Variants in PCDHA12 observed in about 807,000 individuals in gnomAD.
PCDHA12 encodes the protein protocadherin alpha-12.
Under a neutral mutation model 60.0 loss-of-function variants are expected in PCDHA12, and 44 were observed. That is an observed-to-expected ratio of 0.73 (90% CI 0.58 to 0.94). The LOEUF is 0.94. PCDHA12 is among the 40% of genes least tolerant of loss of function. The probability of loss-of-function intolerance (pLI) is 0.00; values close to 1 mark genes in which losing one functional copy is unlikely to be tolerated. For synonymous variants in PCDHA12, 569 were observed against 553.0 expected (o/e 1.03, Z -0.40); for missense variants, 1,276 against 1,239.7 (o/e 1.03, Z -0.44).
rs10569930 is a variant in PCDHA12, at chr5:140,925,641, TATAATAATAATA to T, written c.2367+47828_2367+47839del. On this transcript the variant is annotated intron_variant, in intron 1 of 3. Coordinates refer to ENST00000398631, the MANE Select transcript of PCDHA12 (RefSeq NM_018903.4). ...TGCACATGTACCCTAGAACTTAAAG[TATAATAATAATA>T]ATAATAATAATAATAATAATAATAA... Among the ~76,000 whole-genome samples the T allele has an allele frequency of 2.0e-4, 29 of 143,352 alleles. 1 individual carries two copies. Among genetic ancestry groups the T allele is most frequent in the Admixed American group, 7.0e-4 (10 of 14,330 alleles). 94.0% of individuals were successfully genotyped at this position (143,352 alleles called of 152,430 possible). A position where few individuals can be genotyped will look rare whatever the true frequency, so the allele number is the denominator to read the frequency against.
intron 3 of PCDHA12, among the ~76,000 whole-genome samples, chr5:140,999,721 G>T (rs2097872214): frequency 6.6e-6 from 1 of 152,150 alleles, no homozygotes; most frequent in South Asian, 2.1e-4. Flanking sequence ...ACGGAGACCA[G>T]CCATTCCAAT....
At chr5:140,958,397 A>T (rs1306610051) in intron 1 of PCDHA12, among the ~76,000 whole-genome samples, 3 of 152,172 alleles carry the variant, frequency 2.0e-5, no homozygotes, top group African/African-American at 7.2e-5. Flanking sequence ...GTCATCAAAC[A>T]TTATCACTGA....
At chr5:140,927,616 G>C in intron 1 of PCDHA12, 1 of 1,614,164 alleles carries the variant, frequency 6.2e-7, no homozygotes, top group Non-Finnish European at 8.5e-7. Flanking sequence ...CCGCACCAAG[G>C]TTCCAGAGAC....
chr5:140,990,232 C>T (rs983376308), intron 3 of PCDHA12, among the ~76,000 whole-genome samples: 4 of 152,054 alleles, frequency 2.6e-5, no homozygotes, highest in Non-Finnish European at 4.4e-5. Flanking sequence ...TTGTAACTAG[C>T]GTTGTATTCC....
At chr5:140,927,956 C>G in intron 1 of PCDHA12, 1 of 1,614,224 alleles carries the variant, frequency 6.2e-7, no homozygotes. Flanking sequence ...GACGCTGCCC[C>G]TGGCACAGTG....
At chr5:140,938,930 A>T (rs2092272913) in intron 1 of PCDHA12, among the ~76,000 whole-genome samples, 1 of 152,066 alleles carries the variant, frequency 6.6e-6, no homozygotes, top group African/African-American at 2.4e-5. Flanking sequence ...ATTGGCTTTT[A>T]ACTTTCCATT....
chr5:140,978,829 T>C, intron 1 of PCDHA12, 120 bp from the exon 2 acceptor site: 1 of 1,533,852 alleles, frequency 6.5e-7, no homozygotes, highest in Non-Finnish European at 8.8e-7. Flanking sequence ...ATGAAATGGC[T>C]CATTCAATAC....
Position 140,877,822 on chromosome 5 carries a change from TTAAA to T in PCDHA12, c.2352_2355del (p.Leu784PhefsTer19). The T allele has an allele frequency of 6.2e-7, 1 of 1,603,218 alleles. No individual in the cohort carries two copies. The highest frequency in any genetic ancestry group is 2.2e-5 in the East Asian group (1 of 44,810). ...CCTTCAGCTGTCTCGAGAAGATTGTTTAAATCCTCCCAGTGAAGTAAGTTATTAA... is the reference window on the plus strand; with the variant it reads ...CCTTCAGCTGTCTCGAGAAGATTGTTTCCTCCCAGTGAAGTAAGTTATTAA... On this transcript the variant is annotated frameshift_variant, in exon 1 of 4. Transcript: ENST00000398631. LOFTEE classifies it high-confidence loss of function.
At chr5:140,934,771 A>G (rs1319115042) in intron 1 of PCDHA12, among the ~76,000 whole-genome samples, 2 of 152,184 alleles carry the variant, frequency 1.3e-5, no homozygotes, top group Non-Finnish European at 2.9e-5. Context: ...CATATTTGAT[A>G]TGGCCCAATC....
rs782753877 is a variant in PCDHA12 at position 140,876,837 on chromosome 5, C to G, written c.1365C>G (p.Phe455Leu). The change falls in exon 1 of 4, where the codon TTC (phenylalanine) becomes TTG (leucine). Residue 455 changes from phenylalanine to leucine, a missense_variant. Transcript: ENST00000398631. ...ACGTGAACGACAATGCGCCTGCGTTCGCGCAGCCCGAGTACACAGTGTTCG... is the reference window on the plus strand; with the variant it reads ...ACGTGAACGACAATGCGCCTGCGTTGGCGCAGCCCGAGTACACAGTGTTCG... ...VADVNDNAPA[F>L]AQPEYTVFVK... is the part of the protein sequence containing the mutation. 3 of 1,614,148 alleles carry G rather than the reference C, an allele frequency of 1.9e-6. No homozygotes were observed. Among genetic ancestry groups the G allele is most frequent in the African/African-American group, 1.3e-5 (1 of 75,032 alleles).
chr5:140,888,421 G>T (rs1046155514), intron 1 of PCDHA12, among the ~76,000 whole-genome samples: 9 of 152,144 alleles, frequency 5.9e-5, no homozygotes. Context: ...ACATCCTACC[G>T]TGCACAGGAC....
chr5:140,884,479 C>A (rs1554181619), intron 1 of PCDHA12: 2 of 1,613,914 alleles, frequency 1.2e-6, no homozygotes, highest in African/African-American at 1.3e-5. Flanking sequence ...CGGGCAAGCC[C>A]ACTCTAGTGT....
chr5:140,883,905 G>C (rs781818160), intron 1 of PCDHA12: 1 of 1,613,458 alleles, frequency 6.2e-7, no homozygotes, highest in South Asian at 1.1e-5. Flanking sequence ...CCGCCTCTGG[G>C]CAGCAACGTG....
At chr5:140,882,887 G>A (rs781927732) in intron 1 of PCDHA12, 43 of 1,614,050 alleles carry the variant, frequency 2.7e-5, no homozygotes, top group Non-Finnish European at 3.6e-5. Context: ...GGAAATTCAG[G>A]AACATAGTTT....
chr5:140,996,410 G>A (rs1195533511), intron 3 of PCDHA12, among the ~76,000 whole-genome samples: 2 of 152,222 alleles, frequency 1.3e-5, no homozygotes, highest in African/African-American at 2.4e-5. Flanking sequence ...GGTGGGGCAG[G>A]CAGTGTGAAA....
intron 1 of PCDHA12, chr5:140,927,771 G>C: frequency 6.2e-7 from 1 of 1,614,210 alleles, no homozygotes; most frequent in Non-Finnish European, 8.5e-7. Flanking sequence ...GTGGGGAGGT[G>C]CAAGTAGCTG....
chr5:140,938,439 A>C (rs2092064072), intron 1 of PCDHA12, among the ~76,000 whole-genome samples: 1 of 152,208 alleles, frequency 6.6e-6, no homozygotes, highest in African/African-American at 2.4e-5. Flanking sequence ...TATCAGATTT[A>C]TTAAGTTCCC....
intron 1 of PCDHA12, among the ~76,000 whole-genome samples, chr5:140,941,214 C>CCTTTCTTTCTTCCTTTCTTTCTTT (rs2092876516): frequency 2.3e-4 from 28 of 122,490 alleles, no homozygotes; most frequent in Middle Eastern, 4.2e-3. Context: ...TTTCTTTCTT[C>CCTTTCTTTCTTCCTTTCTTTCTTT]CTTTCTTTCT....
chr5:140,888,994 T>A (rs1486471421), intron 1 of PCDHA12, among the ~76,000 whole-genome samples: 5 of 152,154 alleles, frequency 3.3e-5, no homozygotes, highest in African/African-American at 1.2e-4. Flanking sequence ...TATGATTTTC[T>A]TATGGCAAAC....
Sources: allele counts gnomAD v4.1 joint callset (sites outside exome capture counted in the v4.1 genomes callset), GRCh38; gene constraint gnomAD v4.1.1; transcripts MANE v1.5; gene names NCBI Gene and HGNC (gene_info 2026-07-23, HGNC 2026-07-21).